The following RGS6 variants were observed in gnomAD, a reference collection of about 807,000 sequenced individuals.
The protein encoded by RGS6 is regulator of G-protein signaling 6.
In RGS6, 30 loss-of-function variants were observed where a neutral mutation model predicts 78.5. The ratio of observed to expected loss-of-function variants is 0.38; its 90% CI spans 0.29 to 0.52. RGS6 has a LOEUF of 0.52. Ranked by LOEUF, RGS6 falls within the 20% of genes least tolerant of loss-of-function variation. The probability of loss-of-function intolerance (pLI) is 0.85; values close to 1 mark genes in which losing one functional copy is unlikely to be tolerated. For missense variants in RGS6, 495 were observed against 609.7 expected, an observed-to-expected ratio of 0.81 and a Z score of 1.98; for synonymous variants, 206 against 206.0, an observed-to-expected ratio of 1.00 and a Z score of 0.00.
intron 17 of RGS6, among the ~76,000 whole-genome samples, chr14:72,561,244 T>G (rs548670167): frequency 1.3e-5 from 2 of 152,152 alleles, no homozygotes; most frequent in East Asian, 3.9e-4. Flanking sequence ...CACACCCCAC[T>G]TGGAAATGAA....
chr14:72,066,795 T>C (rs1022053813), intron 2 of RGS6, among the ~76,000 whole-genome samples: 12 of 151,726 alleles, frequency 7.9e-5, no homozygotes, highest in African/African-American at 2.7e-4. Flanking sequence ...GGTGTTCTTA[T>C]ACTTTAGAGG....
At chr14:72,209,413 C>T (rs1222163670) in intron 2 of RGS6, among the ~76,000 whole-genome samples, 1 of 151,936 alleles carries the variant, frequency 6.6e-6, no homozygotes, top group African/African-American at 2.4e-5. Context: ...TCTATTTCTT[C>T]TACTTCTTCT....
intron 3 of RGS6, among the ~76,000 whole-genome samples, chr14:72,427,726 C>A (rs1016921823): frequency 2.6e-5 from 4 of 152,172 alleles, no homozygotes; most frequent in African/African-American, 9.7e-5. Flanking sequence ...TCCTTGGTGA[C>A]ACCATTATCC....
chr14:72,189,837 G>A (rs2097300047), intron 2 of RGS6, among the ~76,000 whole-genome samples: 1 of 152,058 alleles, frequency 6.6e-6, no homozygotes, highest in Non-Finnish European at 1.5e-5. Flanking sequence ...GGTCCATCAG[G>A]TCTTGAGCAT....
chr14:71,930,912 G>A (rs1296223817), upstream of RGS6, among the ~76,000 whole-genome samples: 3 of 146,192 alleles, frequency 2.1e-5, no homozygotes, highest in Admixed American at 2.1e-4. Flanking sequence ...GGGAGGCGGA[G>A]GTTGCAGTGA....
At chr14:71,952,273 T>C (rs1056588631) in intron 1 of RGS6, among the ~76,000 whole-genome samples, 5 of 152,156 alleles carry the variant, frequency 3.3e-5, no homozygotes, top group African/African-American at 1.2e-4. Context: ...ACAAATACCG[T>C]TTATCAGATC....
chr14:72,536,455 A>G (rs1240281995), intron 16 of RGS6, among the ~76,000 whole-genome samples, 180 bp downstream of exon 16: 2 of 152,010 alleles, frequency 1.3e-5, no homozygotes, highest in Non-Finnish European at 2.9e-5. Flanking sequence ...CCCCAGCCCC[A>G]CTGCAAGGTC....
intron 2 of RGS6, among the ~76,000 whole-genome samples, chr14:72,146,732 T>A (rs140358851): frequency 8.5e-5 from 13 of 152,340 alleles, no homozygotes; most frequent in Non-Finnish European, 1.6e-4. Flanking sequence ...AAACATGCTT[T>A]TTTCATTCTT....
chr14:71,959,904 G>T (rs1386996592), intron 1 of RGS6, among the ~76,000 whole-genome samples: 1 of 152,270 alleles, frequency 6.6e-6, no homozygotes, highest in African/African-American at 2.4e-5. Context: ...GGAAACGTAG[G>T]GTGGGAGAGC....
intron 17 of RGS6, among the ~76,000 whole-genome samples, chr14:72,561,497 T>C (rs756975064): frequency 3.3e-5 from 5 of 152,172 alleles, no homozygotes; most frequent in Non-Finnish European, 7.3e-5. Context: ...GGGCACACAC[T>C]ATGTAAGGGC....
intron 2 of RGS6, among the ~76,000 whole-genome samples, chr14:72,152,416 A>C (rs1387260178): frequency 3.3e-5 from 5 of 152,140 alleles, no homozygotes; most frequent in African/African-American, 9.7e-5. Flanking sequence ...GTACGTTCCA[A>C]ATCACTGGAG....
chr14:72,022,017 C>A (rs143769849), intron 2 of RGS6, among the ~76,000 whole-genome samples: 7 of 151,886 alleles, frequency 4.6e-5, no homozygotes, highest in Admixed American at 4.6e-4. Context: ...TAAGAGAGAA[C>A]ATGCGGTATT....
intron 3 of RGS6, among the ~76,000 whole-genome samples, chr14:72,414,478 C>T (rs539521142): frequency 6.6e-6 from 1 of 152,262 alleles, no homozygotes; most frequent in South Asian, 2.1e-4. Context: ...AATTTCTTTT[C>T]AAGGTTTTTA....
intron 2 of RGS6, among the ~76,000 whole-genome samples, chr14:72,178,492 C>T (rs548431873): frequency 6.6e-6 from 1 of 152,338 alleles, no homozygotes; most frequent in East Asian, 1.9e-4. Flanking sequence ...AACATCTTTA[C>T]AACTTGTGTT....
At chr14:72,059,978 C>T (rs888595637) in intron 2 of RGS6, among the ~76,000 whole-genome samples, 2 of 152,080 alleles carry the variant, frequency 1.3e-5, no homozygotes, top group African/African-American at 2.4e-5. Context: ...CTGGAGTGTG[C>T]GTTGTTCAAT....
At chr14:72,547,920 T>C (rs1007366259) in intron 17 of RGS6, among the ~76,000 whole-genome samples, 1 of 152,134 alleles carries the variant, frequency 6.6e-6, no homozygotes, top group Non-Finnish European at 1.5e-5. Context: ...CCTTAAAAAA[T>C]ACATTTCCCA....
the RGS6 span, among the ~76,000 whole-genome samples, chr14:72,574,398 C>T: frequency 2.0e-5 from 3 of 152,122 alleles, no homozygotes; most frequent in Non-Finnish European, 4.4e-5. Flanking sequence ...ACCCCAGCAA[C>T]TGGCATTGCA....
intron 2 of RGS6, among the ~76,000 whole-genome samples, chr14:72,259,518 C>T (rs374250435): frequency 6.6e-6 from 1 of 152,108 alleles, no homozygotes. Flanking sequence ...TGGGAAAATG[C>T]TGGTACTCTG....
chr14:72,618,919 A>G, the RGS6 span, among the ~76,000 whole-genome samples: 1 of 152,186 alleles, frequency 6.6e-6, no homozygotes, highest in Non-Finnish European at 1.5e-5. Flanking sequence ...AACACAATAG[A>G]TAAAAAAACA....
Sources: gnomAD v4.1 joint callset for allele counts (sites outside exome capture counted in the v4.1 genomes callset) on GRCh38, gnomAD v4.1.1 for gene constraint, MANE v1.5 for transcripts, NCBI Gene and HGNC (gene_info 2026-07-23, HGNC 2026-07-21) for gene names.